PDE1A: variants seen among roughly 807,000 people sequenced by gnomAD.
The protein encoded by PDE1A is dual specificity calcium/calmodulin-dependent 3',5'-cyclic nucleotide phosphodiesterase 1A.
A neutral mutation model predicts 61.7 loss-of-function variants in PDE1A; 35 were observed. The ratio of observed to expected loss-of-function variants is 0.57; its 90% CI spans 0.43 to 0.75. PDE1A has a LOEUF of 0.75. PDE1A is among the 30% of genes least tolerant of loss of function. The probability of loss-of-function intolerance (pLI) is 0.00; values close to 1 mark genes in which losing one functional copy is unlikely to be tolerated. For synonymous variants in PDE1A, 232 were observed against 213.2 expected (o/e 1.09, Z -0.77); for missense variants, 597 against 630.6 (o/e 0.95, Z 0.57).
chr2:182,423,574 A>T (rs1703414877), intron 1 of PDE1A, among the ~76,000 whole-genome samples: 2 of 152,354 alleles, frequency 1.3e-5, no homozygotes, highest in South Asian at 4.1e-4. Context: ...TAAATTGGAA[A>T]AAAAGCTCTT....
chr2:182,305,185 CTT>C (rs67114168), intron 1 of PDE1A, among the ~76,000 whole-genome samples: 151,368 of 152,252 alleles, frequency 0.99, 75,251 homozygotes, highest in Middle Eastern at 1. Context: ...ATTACTTCCA[CTT>C]TATAAACAAA....
At chr2:182,503,265 T>A (rs1689203695) in intron 2 of PDE1A, among the ~76,000 whole-genome samples, 1 of 152,084 alleles carries the variant, frequency 6.6e-6, no homozygotes, top group African/African-American at 2.4e-5. Flanking sequence ...TTGTGACACA[T>A]CCTCCTATTT....
At chr2:182,405,558 T>A (rs1702251732) in intron 1 of PDE1A, among the ~76,000 whole-genome samples, 1 of 152,236 alleles carries the variant, frequency 6.6e-6, no homozygotes, top group African/African-American at 2.4e-5. Context: ...GGCTTTCACT[T>A]AATTCTGTCA....
chr2:182,282,654 T>C (rs967148632), intron 1 of PDE1A, among the ~76,000 whole-genome samples: 1 of 152,018 alleles, frequency 6.6e-6, no homozygotes, highest in African/African-American at 2.4e-5. Context: ...TACCTATATA[T>C]AATTCCAAAA....
the PDE1A span, among the ~76,000 whole-genome samples, chr2:182,700,721 C>CAAAAAAAAAAAAAAAAAAAAAAAAA: frequency 2.5e-4 from 6 of 23,998 alleles, no homozygotes; most frequent in Admixed American, 6.0e-4. Context: ...GACTCCATCT[C>CAAAAAAAAAAAAAAAAAAAAAAAAA]AAAAAAAAAA....
At chr2:182,411,704 T>G (rs2125523667) in intron 1 of PDE1A, among the ~76,000 whole-genome samples, 1 of 152,240 alleles carries the variant, frequency 6.6e-6, no homozygotes, top group South Asian at 2.1e-4. Flanking sequence ...ACACTTTTGG[T>G]CTTTACAACT....
At position 182,403,610 on chromosome 2, in the gene PDE1A, A is replaced by AAAAAAAAAAG. The variant is rs1462512324; in HGVS notation, c.53+22967_53+22968insCTTTTTTTTT. The stretch of plus-strand genomic sequence containing the variant: ...CCAGACTCCGTCTCAAAAAAAAAAA[A>AAAAAAAAAAG]AAAAGAAAATGTGGCACATATACAC... On this transcript the variant is annotated intron_variant, in intron 1 of 13. Coordinates refer to ENST00000351439, the Ensembl canonical transcript of PDE1A. Among the ~76,000 whole-genome samples the AAAAAAAAAAG allele has an allele frequency of 1.7e-3, 262 of 151,106 alleles. 1 individual carries two copies. The highest frequency in any genetic ancestry group is 6.8e-3 in the Middle Eastern group (2 of 292).
chr2:182,194,804 G>A (rs1310289120), intron 10 of PDE1A, among the ~76,000 whole-genome samples: 2 of 151,770 alleles, frequency 1.3e-5, no homozygotes, highest in African/African-American at 2.4e-5. Flanking sequence ...AATAAAATGA[G>A]TTCGGTAGAC....
chr2:182,232,160 G>C (rs963452824), intron 4 of PDE1A, among the ~76,000 whole-genome samples: 3 of 152,074 alleles, frequency 2.0e-5, no homozygotes, highest in Non-Finnish European at 4.4e-5. Flanking sequence ...GAAGCAAGCA[G>C]GCCAGTAGGG....
chr2:182,166,073 G>C (rs1380979171), downstream of PDE1A, among the ~76,000 whole-genome samples: 1 of 152,118 alleles, frequency 6.6e-6, no homozygotes, highest in Non-Finnish European at 1.5e-5. Context: ...TCTTCATCTG[G>C]AGATTAGGTG....
chr2:182,516,082 A>G (rs1396051704), intron 2 of PDE1A, among the ~76,000 whole-genome samples: 1 of 151,994 alleles, frequency 6.6e-6, no homozygotes, highest in African/African-American at 2.4e-5. Context: ...TGCTACTGTA[A>G]CAAATTTACC....
the PDE1A span, among the ~76,000 whole-genome samples, chr2:182,606,381 T>C: frequency 2.0e-5 from 3 of 152,192 alleles, no homozygotes; most frequent in African/African-American, 7.2e-5. Flanking sequence ...GGTTTCACCA[T>C]GTTGGCCAGG....
the PDE1A span, among the ~76,000 whole-genome samples, chr2:182,645,134 C>T: frequency 7.9e-5 from 12 of 151,904 alleles, no homozygotes; most frequent in South Asian, 6.2e-4. Flanking sequence ...TACAGGTGCC[C>T]GCCACCACAC....
chr2:182,166,844 T>C (rs1691677170), downstream of PDE1A, among the ~76,000 whole-genome samples: 1 of 152,190 alleles, frequency 6.6e-6, no homozygotes, highest in Non-Finnish European at 1.5e-5. Flanking sequence ...CATCAGCCAT[T>C]CTTAGCTAAT....
chr2:182,242,288 A>T (rs538127854), intron 2 of PDE1A, among the ~76,000 whole-genome samples: 1 of 152,346 alleles, frequency 6.6e-6, no homozygotes, highest in African/African-American at 2.4e-5. Flanking sequence ...CACATAGTAG[A>T]GTGGTACTTA....
chr2:182,354,295 G>C (rs560090048), intron 1 of PDE1A, among the ~76,000 whole-genome samples: 2 of 152,260 alleles, frequency 1.3e-5, no homozygotes, highest in South Asian at 4.1e-4. Flanking sequence ...ACTGGTGACT[G>C]TCAGTAGACA....
Position 182,180,593 on chromosome 2 carries a change from G to T in PDE1A, c.1516+5299C>A, listed in dbSNP as rs142536962. The stretch of plus-strand genomic sequence containing the variant: ...GTTGATCTTCTCATGGAGTATCTTA[G>T]TGGTGTTCTATGTATTTCCTGAATT... On this transcript the variant is annotated intron_variant, in intron 13 of 13. Transcript: ENST00000351439. Among the ~76,000 whole-genome samples the T allele has an allele frequency of 1.3e-3, 193 of 152,202 alleles. 1 individual carries two copies. Among genetic ancestry groups the T allele is most frequent in the Non-Finnish European group, 1.9e-3 (130 of 68,010 alleles).
chr2:182,241,913 A>G, intron 2 of PDE1A: 1 of 1,530,956 alleles, frequency 6.5e-7, no homozygotes, highest in Non-Finnish European at 8.7e-7. Flanking sequence ...CTTTTTGCCC[A>G]TTTGAAATTA....
the PDE1A span, among the ~76,000 whole-genome samples, chr2:182,627,586 T>A: frequency 6.6e-6 from 1 of 151,074 alleles, no homozygotes; most frequent in Non-Finnish European, 1.5e-5. Context: ...ATATTTTAAT[T>A]ATGTCTATTT....
Sources: gnomAD v4.1 joint callset for allele counts (sites outside exome capture counted in the v4.1 genomes callset) on GRCh38, gnomAD v4.1.1 for gene constraint, MANE v1.5 for transcripts, NCBI Gene and HGNC (gene_info 2026-07-23, HGNC 2026-07-21) for gene names.